Variants in KIAA1217 observed in about 807,000 individuals in gnomAD.
KIAA1217 encodes sickle tail protein homolog.
In KIAA1217, 88 loss-of-function variants were observed where a neutral mutation model predicts 163.9. The ratio of observed to expected loss-of-function variants is 0.54; its 90% CI spans 0.45 to 0.64. The LOEUF (loss-of-function observed/expected upper bound fraction) is 0.64. KIAA1217 is among the 30% of genes least tolerant of loss of function. The probability of loss-of-function intolerance (pLI) is 0.00; values close to 1 mark genes in which losing one functional copy is unlikely to be tolerated. For synonymous variants in KIAA1217, 903 were observed against 923.1 expected (o/e 0.98, Z 0.39); for missense variants, 2,372 against 2,475.0 (o/e 0.96, Z 0.88).
chr10:24,030,563 G>A (rs980481313), intron 2 of KIAA1217, among the ~76,000 whole-genome samples: 6 of 152,134 alleles, frequency 3.9e-5, no homozygotes, highest in South Asian at 2.1e-4. Context: ...TCTTTGTAGC[G>A]GTGTGAAAAA....
intron 1 of KIAA1217, among the ~76,000 whole-genome samples, chr10:23,793,040 G>A (rs1024404631): frequency 2.4e-5 from 2 of 82,176 alleles, no homozygotes; most frequent in Non-Finnish European, 2.4e-5. Context: ...CTCTCATGTG[G>A]GAGAAGGGAT....
intron 2 of KIAA1217, among the ~76,000 whole-genome samples, chr10:24,053,103 T>C (rs1564641607): frequency 6.6e-6 from 1 of 152,196 alleles, no homozygotes; most frequent in Non-Finnish European, 1.5e-5. Flanking sequence ...TCCCTTTGTT[T>C]TGTAACAGGA....
chr10:23,816,414 T>A (rs1029978218), intron 1 of KIAA1217, among the ~76,000 whole-genome samples: 1 of 151,592 alleles, frequency 6.6e-6, no homozygotes, highest in Admixed American at 6.6e-5. Flanking sequence ...TGCCTCAGCC[T>A]CCCAAGTAGC....
At chr10:24,114,877 C>T (rs935806124) in intron 2 of KIAA1217, among the ~76,000 whole-genome samples, 1 of 152,238 alleles carries the variant, frequency 6.6e-6, no homozygotes, top group African/African-American at 2.4e-5. Context: ...AACTACGCCA[C>T]ATCAGTGTCC....
At chr10:24,286,592 T>C (rs1470360253) in intron 2 of KIAA1217, among the ~76,000 whole-genome samples, 1 of 152,158 alleles carries the variant, frequency 6.6e-6, no homozygotes, top group Non-Finnish European at 1.5e-5. Flanking sequence ...TAGATTTAAT[T>C]TGATGGGAAA....
chr10:24,189,110 AAAAAAAAAAG>A, intron 2 of KIAA1217, among the ~76,000 whole-genome samples: 1 of 148,104 alleles, frequency 6.8e-6, no homozygotes, highest in Non-Finnish European at 1.5e-5. Context: ...TGTCTCAAAA[AAAAAAAAAAG>A]AAAAGAAAAA....
chr10:24,240,332 T>C (rs1433461589), intron 2 of KIAA1217, among the ~76,000 whole-genome samples: 1 of 152,238 alleles, frequency 6.6e-6, no homozygotes. Context: ...CATCGAAAGA[T>C]ACCTGTGAAA....
At chr10:24,385,398 G>A (rs189324371) in intron 3 of KIAA1217, among the ~76,000 whole-genome samples, 179 of 152,260 alleles carry the variant, frequency 1.2e-3, no homozygotes, top group African/African-American at 3.9e-3. Context: ...TTTTGGACCC[G>A]TCTTAGACAT....
At chr10:24,178,565 T>C (rs1168926785) in intron 2 of KIAA1217, among the ~76,000 whole-genome samples, 1 of 152,216 alleles carries the variant, frequency 6.6e-6, no homozygotes, top group East Asian at 1.9e-4. Flanking sequence ...GATTGTACCA[T>C]TTTAATTTCA....
At chr10:24,364,774 CTTTT>C (rs945777293) in intron 2 of KIAA1217, among the ~76,000 whole-genome samples, 1 of 151,706 alleles carries the variant, frequency 6.6e-6, no homozygotes, top group African/African-American at 2.4e-5. Context: ...TTCTTTCTTT[CTTTT>C]TTCTTCCTTT....
chr10:24,499,498 C>T (rs753858308), intron 8 of KIAA1217, among the ~76,000 whole-genome samples: 6 of 152,092 alleles, frequency 3.9e-5, no homozygotes, highest in African/African-American at 7.2e-5. Context: ...TTTGGGAGGC[C>T]GAGGCAGGTG....
At chr10:24,471,293 G>A (rs2063487227) in intron 5 of KIAA1217, among the ~76,000 whole-genome samples, 1 of 151,878 alleles carries the variant, frequency 6.6e-6, no homozygotes, top group African/African-American at 2.4e-5. Context: ...CTTCTTCTCT[G>A]TCACATCTCC....
intron 2 of KIAA1217, among the ~76,000 whole-genome samples, chr10:24,153,310 C>T (rs2131864061): frequency 6.6e-6 from 1 of 152,304 alleles, no homozygotes; most frequent in East Asian, 1.9e-4. Context: ...AAGAACACCA[C>T]TTGTGGTTAT....
At chr10:24,057,390 T>C (rs984037822) in intron 2 of KIAA1217, among the ~76,000 whole-genome samples, 1 of 152,232 alleles carries the variant, frequency 6.6e-6, no homozygotes, top group Non-Finnish European at 1.5e-5. Context: ...TCATCTTGCA[T>C]AACTGAAATG....
At chr10:24,336,316 A>C (rs2046352738) in intron 2 of KIAA1217, among the ~76,000 whole-genome samples, 1 of 152,236 alleles carries the variant, frequency 6.6e-6, no homozygotes, top group African/African-American at 2.4e-5. Context: ...CAAGAAAAAG[A>C]GCACAAAGAA....
rs1230916945 is a variant in KIAA1217 at position 24,450,353 on chromosome 10, AC to A, written c.846+11875del. ...TAATCTGTATGAAATCACATTAAAAACTTCTACAGTTTTAAATGACAAGCTT... is the reference window on the plus strand; with the variant it reads ...TAATCTGTATGAAATCACATTAAAAATTCTACAGTTTTAAATGACAAGCTT... On this transcript the variant is annotated intron_variant, in intron 5 of 20. Coordinates refer to ENST00000376454, the MANE Select transcript of KIAA1217 (RefSeq NM_019590.5). Among the ~76,000 whole-genome samples, 6 of 152,332 alleles carry A rather than the reference AC, an allele frequency of 3.9e-5. No homozygotes were observed. In the South Asian group the frequency reaches 6.2e-4, roughly 16 times the overall value.
intron 1 of KIAA1217, among the ~76,000 whole-genome samples, chr10:23,851,418 G>T (rs1057290658): frequency 6.6e-6 from 1 of 152,096 alleles, no homozygotes; most frequent in African/African-American, 2.4e-5. Context: ...ATCATTGTTG[G>T]ACATTTGAGT....
rs1340552169 is a variant in KIAA1217, at chr10:24,088,723, C to A, written c.-171+81349C>A. ...TTGGACATTTGGGTTGGTTCCAAGT[C>A]TTTGCTATTGTGAATAGTCCGCATT... On this transcript the variant is annotated intron_variant, in intron 2 of 18. Coordinates refer to the KIAA1217 transcript ENST00000376462. Among the ~76,000 whole-genome samples, 14 of 123,952 alleles carry A rather than the reference C, an allele frequency of 1.1e-4. 3 individuals carry two copies. The highest frequency in any genetic ancestry group is 2.6e-4 in the Non-Finnish European group (13 of 50,238). The allele number at this position is 123,952 out of a possible 152,430, so 81.3% of individuals were successfully genotyped here. A position where few individuals can be genotyped will look rare whatever the true frequency, so the allele number is the denominator to read the frequency against.
At chr10:23,974,921 AT>A (rs1310828782) in intron 1 of KIAA1217, among the ~76,000 whole-genome samples, 1 of 151,698 alleles carries the variant, frequency 6.6e-6, no homozygotes, top group Non-Finnish European at 1.5e-5. Context: ...TTTGGCCATA[AT>A]GCAAATGTGG....
Sources: gnomAD v4.1 joint callset for allele counts (sites outside exome capture counted in the v4.1 genomes callset) on GRCh38, gnomAD v4.1.1 for gene constraint, MANE v1.5 for transcripts, NCBI Gene and HGNC (gene_info 2026-07-23, HGNC 2026-07-21) for gene names.